The following DCC variants were observed in gnomAD, a reference collection of about 807,000 sequenced individuals.
The protein encoded by DCC is netrin receptor DCC.
In DCC, 58 loss-of-function variants were observed where a neutral mutation model predicts 172.5. That is an observed-to-expected ratio of 0.34 (90% CI 0.27 to 0.42). The LOEUF (loss-of-function observed/expected upper bound fraction) is 0.42, where lower values mean the gene tolerates loss of function less well. DCC is among the 10% of genes least tolerant of loss of function. The pLI is 1.00. For synonymous variants in DCC, 709 were observed against 644.5 expected, an observed-to-expected ratio of 1.10 and a Z score of -1.52; for missense variants, 1,740 against 1,791.0, an observed-to-expected ratio of 0.97 and a Z score of 0.51.
At chr18:53,180,254 A>G (rs2055174262) in intron 9 of DCC, among the ~76,000 whole-genome samples, 1 of 152,196 alleles carries the variant, frequency 6.6e-6, no homozygotes, top group Non-Finnish European at 1.5e-5. Flanking sequence ...GATGATAACA[A>G]ATTGGAATAA....
intron 12 of DCC, among the ~76,000 whole-genome samples, chr18:53,296,958 A>G (rs556894633): frequency 1.3e-5 from 2 of 152,312 alleles, no homozygotes; most frequent in South Asian, 4.1e-4. Context: ...GCTTTTTGCT[A>G]GAGTAACTGA....
intron 5 of DCC, among the ~76,000 whole-genome samples, chr18:52,981,660 C>T (rs751250579): frequency 3.3e-5 from 5 of 152,008 alleles, no homozygotes; most frequent in Non-Finnish European, 4.4e-5. Flanking sequence ...TAATGTTCTA[C>T]GCAATCAATA....
Position 52,571,374 on chromosome 18 carries a change from G to A in DCC, c.92-180680G>A, listed in dbSNP as rs1025195332. 1.3e-5 allele frequency among the ~76,000 whole-genome samples: 2 copies of A among 151,996 alleles called. 1 individual carries two copies. Among genetic ancestry groups the A allele is most frequent in the African/African-American group, 4.8e-5 (2 of 41,424 alleles). ...CAGAGAAAAGGGCAAGCATGGGTCAGTGTTTCTATTGTTAATGGTCACCTG... is the reference window on the plus strand; with the variant it reads ...CAGAGAAAAGGGCAAGCATGGGTCAATGTTTCTATTGTTAATGGTCACCTG... On this transcript the variant is annotated intron_variant, in intron 1 of 28. Coordinates refer to ENST00000442544, the MANE Select transcript of DCC (RefSeq NM_005215.4).
chr18:52,586,605 G>A (rs1240751336), intron 1 of DCC, among the ~76,000 whole-genome samples: 1 of 152,196 alleles, frequency 6.6e-6, no homozygotes, highest in Non-Finnish European at 1.5e-5. Flanking sequence ...AGAAGGTAAT[G>A]TTGCAGGAAC....
Position 52,955,960 on chromosome 18 carries a change from AT to A in DCC, c.985+30602del, listed in dbSNP as rs879638932. Among the ~76,000 whole-genome samples the A allele has an allele frequency of 3.5e-3, 508 of 143,434 alleles. 2 individuals carry two copies. The highest frequency in any genetic ancestry group is 5.0e-3 in the Admixed American group (72 of 14,400). The allele number at this position is 143,434 out of a possible 152,430, so 94.1% of individuals were successfully genotyped here. A position where few individuals can be genotyped will look rare whatever the true frequency, so the allele number is the denominator to read the frequency against. ...AAGCTTTTTGCATATTTGGGCTATC[AT>A]TTTTTTTTTTTAAATCAGTTGCATG... is the stretch of plus-strand genomic sequence containing the variant. On this transcript the variant is annotated intron_variant, in intron 5 of 28. Transcript: ENST00000442544.
At chr18:53,089,893 A>G (rs925280460) in intron 7 of DCC, among the ~76,000 whole-genome samples, 7 of 152,322 alleles carry the variant, frequency 4.6e-5, no homozygotes, top group Middle Eastern at 3.4e-3. Flanking sequence ...TTTTTAATCA[A>G]TAGAATTGTT....
At chr18:52,718,693 G>A (rs769515863) in intron 1 of DCC, among the ~76,000 whole-genome samples, 18 of 152,240 alleles carry the variant, frequency 1.2e-4, no homozygotes, top group Admixed American at 7.8e-4. Context: ...TCGCAGAGAC[G>A]TTGAACAAAA....
intron 1 of DCC, among the ~76,000 whole-genome samples, chr18:52,610,821 T>G (rs1228160693): frequency 1.3e-5 from 2 of 150,554 alleles, no homozygotes; most frequent in South Asian, 4.3e-4. Flanking sequence ...AAAATCTTCT[T>G]TTGATTTTTT....
At chr18:52,574,180 A>G (rs61189369) in intron 1 of DCC, among the ~76,000 whole-genome samples, 3,253 of 152,298 alleles carry the variant, frequency 0.021, 102 homozygotes, top group African/African-American at 0.072. Context: ...ATGTAAAAGT[A>G]TATTGATTAT....
intron 1 of DCC, among the ~76,000 whole-genome samples, chr18:52,689,423 G>A (rs2145007969): frequency 1.3e-5 from 2 of 152,234 alleles, no homozygotes; most frequent in East Asian, 3.9e-4. Context: ...TGAGTAGAAA[G>A]ACTTGTGTTG....
intron 25 of DCC, among the ~76,000 whole-genome samples, chr18:53,474,699 C>T (rs1262079510): frequency 1.3e-5 from 2 of 152,220 alleles, no homozygotes; most frequent in East Asian, 1.9e-4. Flanking sequence ...TTGTAAATTG[C>T]TCAATCACAG....
At chr18:53,443,073 C>G (rs1404922093) in intron 22 of DCC, among the ~76,000 whole-genome samples, 1 of 152,134 alleles carries the variant, frequency 6.6e-6, no homozygotes, top group Non-Finnish European at 1.5e-5. Flanking sequence ...TCCAGAAGAT[C>G]TAGCTAAGAT....
chr18:53,044,533 T>A (rs2144011897), intron 5 of DCC, among the ~76,000 whole-genome samples: 1 of 151,914 alleles, frequency 6.6e-6, no homozygotes, highest in East Asian at 1.9e-4. Context: ...TCTAAGACTC[T>A]TTATAGCTCC....
intron 1 of DCC, among the ~76,000 whole-genome samples, chr18:52,580,525 C>A (rs1439347939): frequency 6.6e-6 from 1 of 152,156 alleles, no homozygotes; most frequent in African/African-American, 2.4e-5. Flanking sequence ...CTGAATTAAG[C>A]CATAGCTGAA....
chr18:53,376,009 G>A (rs542422780), intron 15 of DCC, among the ~76,000 whole-genome samples: 33 of 152,144 alleles, frequency 2.2e-4, no homozygotes, highest in African/African-American at 7.2e-4. Context: ...ATTGCAACTG[G>A]ACCTCAGCCT....
intron 20 of DCC, among the ~76,000 whole-genome samples, chr18:53,411,417 A>G (rs557073091): frequency 6.4e-4 from 97 of 152,306 alleles, no homozygotes; most frequent in African/African-American, 2.2e-3. Context: ...AAGGCATGAT[A>G]TGTGTTGTTC....
At chr18:53,281,384 A>G (rs1429266832) in intron 12 of DCC, among the ~76,000 whole-genome samples, 2 of 152,138 alleles carry the variant, frequency 1.3e-5, no homozygotes, top group African/African-American at 4.8e-5. Flanking sequence ...TATAAGGTCA[A>G]CACACACACG....
chr18:52,959,791 T>C (rs1313786646), intron 5 of DCC, among the ~76,000 whole-genome samples: 1 of 152,080 alleles, frequency 6.6e-6, no homozygotes, highest in African/African-American at 2.4e-5. Flanking sequence ...ATGCATCTGG[T>C]TTACAAAATA....
chr18:53,500,067 TAGAA>T (rs1273962691), intron 27 of DCC, among the ~76,000 whole-genome samples: 1 of 152,218 alleles, frequency 6.6e-6, no homozygotes, highest in Non-Finnish European at 1.5e-5. Context: ...TTTAGATTGA[TAGAA>T]AGTAAAATAT....
Sources: allele counts gnomAD v4.1 joint callset (sites outside exome capture counted in the v4.1 genomes callset), GRCh38; gene constraint gnomAD v4.1.1; transcripts MANE v1.5; gene names NCBI Gene and HGNC (gene_info 2026-07-23, HGNC 2026-07-21).